The following PRRC2C variants were observed in gnomAD, a reference collection of about 807,000 sequenced individuals.
The protein encoded by PRRC2C is proline rich coiled-coil 2C.
In PRRC2C, 72 loss-of-function variants were observed where a neutral mutation model predicts 317.2. The ratio of observed to expected loss-of-function variants is 0.23; its 90% CI spans 0.19 to 0.28. PRRC2C has a LOEUF of 0.28. Ranked by LOEUF, PRRC2C falls within the 10% of genes least tolerant of loss-of-function variation. The pLI, the probability that PRRC2C is intolerant of heterozygous loss-of-function variation, is 1.00. For synonymous variants in PRRC2C, 1,296 were observed against 1,205.9 expected (o/e 1.07, Z -1.55); for missense variants, 3,074 against 3,459.7 (o/e 0.89, Z 2.80).
In PRRC2C at chr1:171,517,705, A is replaced by G; in HGVS notation, c.641A>G (p.Asp214Gly). The change falls in exon 6 of 35, where the codon GAT (aspartate) becomes GGT (glycine). Residue 214 changes from aspartate to glycine, a missense_variant. Coordinates refer to ENST00000647382, the MANE Select transcript of PRRC2C (RefSeq NM_001387844.1). The stretch of plus-strand genomic sequence containing the variant: ...ACAGCTGGAACATCAGAGCAAAATG[A>G]TATCCTCAAAGTGGTGGAAAAGAGG... ...ESTAGTSEQNDILKVVEKRIA... is the reference protein window; with the variant it reads ...ESTAGTSEQNGILKVVEKRIA... 5 of 1,613,756 alleles carry G rather than the reference A, an allele frequency of 3.1e-6. No homozygotes were observed. Among genetic ancestry groups the G allele is most frequent in the Non-Finnish European group, 1.7e-6 (2 of 1,179,840 alleles).
At chr1:171,558,887 A>G (rs1681994111) in intron 19 of PRRC2C, among the ~76,000 whole-genome samples, 1 of 152,226 alleles carries the variant, frequency 6.6e-6, no homozygotes, top group Non-Finnish European at 1.5e-5. Flanking sequence ...GATAGGTCAA[A>G]AGTTAAGTGC....
At chr1:171,565,904 G>C (rs1683561000) in intron 20 of PRRC2C, among the ~76,000 whole-genome samples, 1 of 152,152 alleles carries the variant, frequency 6.6e-6, no homozygotes, top group Non-Finnish European at 1.5e-5. Context: ...GTATTCATCT[G>C]TTTGTTGGTA....
At chr1:171,589,075 A>G (rs558674682) in intron 33 of PRRC2C, among the ~76,000 whole-genome samples, 6 of 152,326 alleles carry the variant, frequency 3.9e-5, no homozygotes, top group African/African-American at 1.2e-4. Context: ...TACCTTTTGA[A>G]AAGATAGCCT....
intron 19 of PRRC2C, among the ~76,000 whole-genome samples, chr1:171,560,637 T>C (rs1320084495): frequency 6.6e-6 from 1 of 152,248 alleles, no homozygotes; most frequent in Non-Finnish European, 1.5e-5. Flanking sequence ...GCTAAGATGA[T>C]GATTAGCTTC....
chr1:171,550,018 A>G, intron 17 of PRRC2C, 68 bp from the exon 18 acceptor site: 1 of 1,324,614 alleles, frequency 7.5e-7, no homozygotes, highest in Non-Finnish European at 1.0e-6. Context: ...GTACTACTGT[A>G]CTAAACATTT....
intron 6 of PRRC2C, among the ~76,000 whole-genome samples, chr1:171,520,061 C>T (rs1223734372): frequency 6.6e-6 from 1 of 152,188 alleles, no homozygotes; most frequent in Non-Finnish European, 1.5e-5. Flanking sequence ...CTCCCAGGTT[C>T]AAGCGATTCT....
At chr1:171,535,385 G>T in intron 12 of PRRC2C, 43 bp from the exon 13 acceptor site, 2 of 1,553,264 alleles carry the variant, frequency 1.3e-6, no homozygotes, top group Non-Finnish European at 1.7e-6. Flanking sequence ...TTTGATAAGT[G>T]TCATAGATGA....
intron 18 of PRRC2C, among the ~76,000 whole-genome samples, chr1:171,556,028 A>G (rs1178540943): frequency 6.6e-6 from 1 of 152,096 alleles, no homozygotes; most frequent in Non-Finnish European, 1.5e-5. Flanking sequence ...CCCCCAGAGC[A>G]TACAGAGTCT....
At chr1:171,492,784 TC>T (rs1435454865) in intron 1 of PRRC2C, among the ~76,000 whole-genome samples, 1 of 126,578 alleles carries the variant, frequency 7.9e-6, no homozygotes, top group Non-Finnish European at 1.7e-5. Context: ...ACAGAGTCTC[TC>T]TCTGTCGCCC....
At position 171,587,114 on chromosome 1, in the gene PRRC2C, C is replaced by G. The variant is rs765746275; in HGVS notation, c.7861C>G (p.Pro2621Ala). The change falls in exon 31 of 35, where the codon CCC becomes GCC. Residue 2621 changes from proline to alanine, a missense_variant. Pro to Ala is a conservative substitution (Grantham distance 27, BLOSUM62 -1). This residue lies in a region of PRRC2C where 490 missense variants were observed against 663.1 expected (regional missense o/e 0.74). Coordinates refer to ENST00000647382, the MANE Select transcript of PRRC2C (RefSeq NM_001387844.1). ...TLQPPLQHTT[P>A]QAQAQSLSRP... ...TCAGCCCCCATTACAGCATACCACT[C>G]CCCAAGCACAGGCTCAGAGTCTGAG... The G allele has an allele frequency of 6.2e-7, 1 of 1,611,764 alleles. No individual in the cohort carries two copies. The highest frequency in any genetic ancestry group is 8.5e-7 in the Non-Finnish European group (1 of 1,179,008).
chr1:171,569,779 A>G (rs1684420442), intron 23 of PRRC2C, among the ~76,000 whole-genome samples: 1 of 151,352 alleles, frequency 6.6e-6, no homozygotes, highest in Non-Finnish European at 1.5e-5. Context: ...TTTTTAAAAA[A>G]TACAGAATAT....
chr1:171,522,777 A>C (rs2102344608), intron 7 of PRRC2C, among the ~76,000 whole-genome samples: 1 of 152,242 alleles, frequency 6.6e-6, no homozygotes, highest in East Asian at 1.9e-4. Flanking sequence ...CCGTCTCAAA[A>C]CAAAAAGAAA....
At chr1:171,504,544 C>T (rs1442120314) in intron 1 of PRRC2C, among the ~76,000 whole-genome samples, 2 of 152,140 alleles carry the variant, frequency 1.3e-5, no homozygotes, top group Non-Finnish European at 2.9e-5. Flanking sequence ...CCTTTATCCA[C>T]TGAATTTCTT....
intron 1 of PRRC2C, among the ~76,000 whole-genome samples, chr1:171,502,837 C>T (rs958891826): frequency 6.6e-6 from 1 of 152,146 alleles, no homozygotes; most frequent in African/African-American, 2.4e-5. Context: ...GATTCTTCTG[C>T]CTCAGCCTCC....
rs920423722 is a variant in PRRC2C, at chr1:171,586,063, A to ATTTTTT, written c.7750-924_7750-919dup. Among the ~76,000 whole-genome samples the ATTTTTT allele has an allele frequency of 2.6e-3, 215 of 83,016 alleles. 45 individuals carry two copies. The highest frequency in any genetic ancestry group is 0.012 in the South Asian group (27 of 2,162). 54.5% of individuals were successfully genotyped at this position (83,016 alleles called of 152,430 possible). A position where few individuals can be genotyped will look rare whatever the true frequency, so the allele number is the denominator to read the frequency against. On this transcript the variant is annotated intron_variant, in intron 30 of 34. Transcript: ENST00000647382. Reference sequence around the variant, plus strand: ...ATCCGTCGCAGGAGGTCAGGTGTTGATTTTTTTTTTTTTTTTTTTTTGAGA... The same window carrying ATTTTTT: ...ATCCGTCGCAGGAGGTCAGGTGTTGATTTTTTTTTTTTTTTTTTTTTTTTTTTGAGA...
chr1:171,550,324 T>TG, intron 18 of PRRC2C, 84 bp downstream of exon 18: 2 of 1,226,564 alleles, frequency 1.6e-6, no homozygotes, highest in Non-Finnish European at 1.1e-6. Context: ...TTTTTATACT[T>TG]GTCAAGGCTG....
At chr1:171,506,282 C>G (rs1670198231) in intron 1 of PRRC2C, among the ~76,000 whole-genome samples, 1 of 152,146 alleles carries the variant, frequency 6.6e-6, no homozygotes, top group Non-Finnish European at 1.5e-5. Context: ...GCATGTAGCT[C>G]TACTGCTTGC....
intron 19 of PRRC2C, among the ~76,000 whole-genome samples, chr1:171,560,392 C>A (rs1388400281): frequency 3.1e-5 from 2 of 64,244 alleles, no homozygotes; most frequent in Admixed American, 1.4e-4. Context: ...GTTGATTAAA[C>A]AATGGGATTT....
intron 19 of PRRC2C, among the ~76,000 whole-genome samples, chr1:171,558,921 A>G (rs946569439): frequency 1.3e-5 from 2 of 152,252 alleles, no homozygotes; most frequent in African/African-American, 4.8e-5. Context: ...AACACTAATG[A>G]TAAGAAAGTA....
Sources: gnomAD v4.1 joint callset for allele counts (sites outside exome capture counted in the v4.1 genomes callset) on GRCh38, gnomAD v4.1.1 for gene constraint, gnomAD v4.1.1 regional missense constraint, MANE v1.5 for transcripts, NCBI Gene and HGNC (gene_info 2026-07-23, HGNC 2026-07-21) for gene names.